Variants in SLC38A6 observed in about 807,000 individuals in gnomAD.
SLC38A6 encodes solute carrier family 38 member 6, also known as N system amino acid transporter NAT-1.
In SLC38A6, 73 loss-of-function variants were observed where a neutral mutation model predicts 65.0. The ratio of observed to expected loss-of-function variants is 1.12; its 90% CI spans 0.93 to 1.37. The LOEUF (loss-of-function observed/expected upper bound fraction) is 1.37, where lower values mean the gene tolerates loss of function less well. Among genes scored for constraint, SLC38A6 ranks in the 40% most tolerant of loss-of-function variants. The pLI, the probability that SLC38A6 is intolerant of heterozygous loss-of-function variation, is 0.00. For missense variants in SLC38A6, 561 were observed against 531.1 expected, an observed-to-expected ratio of 1.06 and a Z score of -0.55; for synonymous variants, 183 against 178.8, an observed-to-expected ratio of 1.02 and a Z score of -0.19.
In SLC38A6 at chr14:60,984,731, T is replaced by C. The variant is rs1342589857; in HGVS notation, c.238T>C (p.Phe80Leu). The change falls in exon 3 of 16, where the codon TTC becomes CTC. Residue 80 changes from phenylalanine (F) to leucine (L), a missense_variant and splice_region_variant. Phe to Leu is a conservative substitution (Grantham distance 22). Transcript: ENST00000267488. ...ACCAGGTGTTCTTTTATGTTTTAGC[T>C]TCTTGCTGCTGACAGTTGCTCTCCT... ...LANTGVFGFS[F>L]LLLTVALLAS... 3 of 1,613,874 alleles carry C rather than the reference T, an allele frequency of 1.9e-6. No homozygotes were observed. The African/African-American group carries it at 4.0e-5, about 22-fold the overall frequency.
intron 11 of SLC38A6, 148 bp from the exon 12 acceptor site, chr14:61,045,919 G>A (rs967277603): frequency 1.1e-5 from 6 of 535,576 alleles, no homozygotes; most frequent in African/African-American, 9.7e-5. Flanking sequence ...TAATCTTTGT[G>A]TACTAATTTC....
intron 3 of SLC38A6, among the ~76,000 whole-genome samples, chr14:61,011,734 A>G (rs912656710): frequency 2.0e-5 from 3 of 152,172 alleles, no homozygotes; most frequent in African/African-American, 4.8e-5. Flanking sequence ...GATGAAGCCG[A>G]CTTGATTATG....
chr14:61,080,945 A>G (rs2043619535), intron 16 of SLC38A6, among the ~76,000 whole-genome samples: 1 of 152,316 alleles, frequency 6.6e-6, no homozygotes, highest in East Asian at 1.9e-4. Flanking sequence ...CATTTTGGGA[A>G]GGTTCACATT....
intron 3 of SLC38A6, among the ~76,000 whole-genome samples, chr14:60,994,556 T>C (rs2038136590): frequency 6.7e-6 from 1 of 149,602 alleles, no homozygotes; most frequent in Admixed American, 6.7e-5. Context: ...AGAAAAAAAT[T>C]AGCTGGGCAT....
At chr14:61,022,695 A>G (rs1009861971) in intron 5 of SLC38A6, among the ~76,000 whole-genome samples, 7 of 152,128 alleles carry the variant, frequency 4.6e-5, no homozygotes, top group Non-Finnish European at 8.8e-5. Context: ...GTTTGTTAGT[A>G]TAAATTATCT....
At chr14:60,998,981 G>T (rs2038499007) in intron 3 of SLC38A6, among the ~76,000 whole-genome samples, 1 of 152,216 alleles carries the variant, frequency 6.6e-6, no homozygotes, top group Admixed American at 6.5e-5. Context: ...AGCAGACAAG[G>T]CAAGAGAGAA....
chr14:61,048,879 C>A (rs974821147), intron 12 of SLC38A6, among the ~76,000 whole-genome samples: 1 of 152,120 alleles, frequency 6.6e-6, no homozygotes, highest in African/African-American at 2.4e-5. Context: ...TTTTATGATT[C>A]AGAAAATGGA....
chr14:60,990,438 G>A (rs2037777201), intron 3 of SLC38A6, among the ~76,000 whole-genome samples: 1 of 151,920 alleles, frequency 6.6e-6, no homozygotes, highest in South Asian at 2.1e-4. Flanking sequence ...ATCTCCACTT[G>A]GATGTCTAAC....
chr14:60,992,853 T>TG (rs568616415), intron 3 of SLC38A6, among the ~76,000 whole-genome samples: 1 of 146,782 alleles, frequency 6.8e-6, no homozygotes, highest in East Asian at 2.0e-4. Flanking sequence ...CCTCCAAACT[T>TG]TTTTTTTTTT....
chr14:61,054,628 T>C (rs1189883539), downstream of SLC38A6, among the ~76,000 whole-genome samples: 1 of 152,218 alleles, frequency 6.6e-6, no homozygotes, highest in Admixed American at 6.5e-5. Context: ...TTTATTCTTT[T>C]TGTGGCAATT....
intron 3 of SLC38A6, among the ~76,000 whole-genome samples, chr14:61,009,796 G>C (rs1016632726): frequency 3.3e-5 from 5 of 152,166 alleles, no homozygotes; most frequent in Non-Finnish European, 7.3e-5. Context: ...GGACATTTAG[G>C]TTGGTTCCAA....
intron 5 of SLC38A6, among the ~76,000 whole-genome samples, chr14:61,025,805 T>A (rs1424177235): frequency 6.6e-6 from 1 of 152,190 alleles, no homozygotes; most frequent in East Asian, 1.9e-4. Flanking sequence ...AGAACTTCAG[T>A]GGCATTTAGA....
chr14:61,002,846 C>T (rs911774764), intron 3 of SLC38A6, among the ~76,000 whole-genome samples: 1 of 152,136 alleles, frequency 6.6e-6, no homozygotes, highest in African/African-American at 2.4e-5. Flanking sequence ...TGAGGTCAGT[C>T]ATGCCAAGTA....
chr14:61,012,535 C>G (rs1267081585), intron 3 of SLC38A6, among the ~76,000 whole-genome samples: 1 of 152,118 alleles, frequency 6.6e-6, no homozygotes, highest in Non-Finnish European at 1.5e-5. Flanking sequence ...CTATAAAGTT[C>G]CCTCTACACA....
chr14:60,982,755 GT>G, intron 2 of SLC38A6, 117 bp downstream of exon 2: 1 of 1,203,268 alleles, frequency 8.3e-7, no homozygotes, highest in African/African-American at 1.5e-5. Context: ...TATTTCTGGG[GT>G]TTTAGCATTT....
chr14:61,064,400 A>C (rs1462559755), intron 15 of SLC38A6, among the ~76,000 whole-genome samples: 1 of 152,116 alleles, frequency 6.6e-6, no homozygotes, highest in East Asian at 1.9e-4. Context: ...GCAATTGTTA[A>C]GTGTGATGAC....
intron 4 of SLC38A6, among the ~76,000 whole-genome samples, chr14:61,018,466 G>GT (rs1171915035): frequency 2.6e-5 from 4 of 152,122 alleles, no homozygotes; most frequent in African/African-American, 9.7e-5. Flanking sequence ...AACTTAGATT[G>GT]TTTTCAGTGT....
intron 3 of SLC38A6, among the ~76,000 whole-genome samples, chr14:60,985,172 G>GC (rs1784878780): frequency 6.6e-6 from 1 of 152,138 alleles, no homozygotes; most frequent in Non-Finnish European, 1.5e-5. Flanking sequence ...TGCCTTCCCT[G>GC]CCCCCATCTG....
At chr14:61,041,181 C>T (rs2041786813) in intron 8 of SLC38A6, among the ~76,000 whole-genome samples, 1 of 152,126 alleles carries the variant, frequency 6.6e-6, no homozygotes, top group South Asian at 2.1e-4. Context: ...ATTCCAACCC[C>T]AAGACTTACC....
Sources: gnomAD v4.1 joint callset for allele counts (sites outside exome capture counted in the v4.1 genomes callset) on GRCh38, gnomAD v4.1.1 for gene constraint, MANE v1.5 for transcripts, NCBI Gene and HGNC (gene_info 2026-07-23, HGNC 2026-07-21) for gene names.